ABCB10: variants seen among roughly 807,000 people sequenced by gnomAD.
ABCB10 encodes the protein ATP-binding cassette sub-family B member 10, mitochondrial.
A neutral mutation model predicts 65.4 loss-of-function variants in ABCB10; 54 were observed. The observed-to-expected ratio is 0.83, with a 90% confidence interval of 0.66 to 1.04. ABCB10 has a LOEUF of 1.04. Ranked by LOEUF, ABCB10 falls within the 50% of genes least tolerant of loss-of-function variation. The pLI, the probability that ABCB10 is intolerant of heterozygous loss-of-function variation, is 0.00. For synonymous variants in ABCB10, 418 were observed against 406.5 expected, an observed-to-expected ratio of 1.03 and a Z score of -0.34; for missense variants, 846 against 976.6, an observed-to-expected ratio of 0.87 and a Z score of 1.78.
intron 11 of ABCB10, 110 bp downstream of exon 11, chr1:229,521,482 A>C: frequency 2.2e-6 from 3 of 1,369,374 alleles, no homozygotes; most frequent in Non-Finnish European, 3.0e-6. Context: ...AGAAAAAAAA[A>C]AAAACAAAAA....
chr1:229,541,977 A>T (rs951778180), intron 4 of ABCB10, among the ~76,000 whole-genome samples: 15 of 151,226 alleles, frequency 9.9e-5, no homozygotes, highest in African/African-American at 3.7e-4. Flanking sequence ...AAAAAAAAAG[A>T]AAGAAAAGAA....
chr1:229,527,400 A>AT lies in ABCB10; in HGVS notation c.1646-93dup, dbSNP rs111816410. On this transcript the variant is annotated intron_variant, in intron 8 of 12. Transcript: ENST00000344517. ...GATCCGGTGGGAAAATTCCAGACTC[A>AT]TTTTTTAAAGATCAAAATGTACTGA... The AT allele has an allele frequency of 1.2e-3, 1,401 of 1,145,350 alleles. 10 individuals carry two copies. The African/African-American group carries it at 0.019, about 15-fold the overall frequency. The allele number at this position is 1,145,350 out of a possible 1,614,324, so 70.9% of individuals were successfully genotyped here.
At chr1:229,546,874 A>G (rs1343128555) in intron 3 of ABCB10, among the ~76,000 whole-genome samples, 2 of 152,120 alleles carry the variant, frequency 1.3e-5, no homozygotes, top group African/African-American at 4.8e-5. Flanking sequence ...ACAGAGTGAG[A>G]CTGTCTCTAA....
At chr1:229,525,818 A>T in intron 10 of ABCB10, 118 bp downstream of exon 10, 1 of 1,248,690 alleles carries the variant, frequency 8.0e-7, no homozygotes, top group Non-Finnish European at 1.1e-6. Flanking sequence ...AGCCTGGGTG[A>T]CAGAGCAAGA....
At chr1:229,533,569 G>A (rs1458725080) in intron 6 of ABCB10, among the ~76,000 whole-genome samples, 1 of 152,096 alleles carries the variant, frequency 6.6e-6, no homozygotes, top group African/African-American at 2.4e-5. Context: ...AGATACAATG[G>A]ACTAAAATTT....
At chr1:229,549,468 G>C (rs766290234) in intron 1 of ABCB10, 34 bp from the exon 2 acceptor site, 1 of 1,593,616 alleles carries the variant, frequency 6.3e-7, no homozygotes, top group Non-Finnish European at 8.6e-7. Flanking sequence ...TGTTCAGGTT[G>C]CTTCAGCAAA....
At chr1:229,535,064 A>AAAAAAC (rs1489482152) in intron 6 of ABCB10, 1 of 148,278 alleles carries the variant, frequency 6.7e-6, no homozygotes, top group Admixed American at 6.7e-5. Flanking sequence ...AAAAAAAAAA[A>AAAAAAC]AAAACCTTGC....
intron 1 of ABCB10, among the ~76,000 whole-genome samples, chr1:229,550,871 A>AG (rs1663092999): frequency 2.6e-5 from 4 of 152,202 alleles, no homozygotes; most frequent in African/African-American, 9.6e-5. Context: ...CTCAAAAAAA[A>AG]AAAAGAAAAG....
chr1:229,539,589 A>C lies in ABCB10; in HGVS notation c.1206T>G (p.Thr402=). 6.2e-7 allele frequency: 1 copy of C among 1,612,734 alleles called. No individual in the cohort carries two copies. The highest frequency in any genetic ancestry group is 8.5e-7 in the Non-Finnish European group (1 of 1,179,666). ...AFARAGFFGA[T]GLSGNLIVLS... ...GCACGATCAGGTTTCCGGAGAGCCC[A>C]GTCTGTCGAATGAAGAAAACACAGA... The change falls in exon 6 of 13, where the codon ACT becomes ACG. Residue 402 remains threonine, a splice_region_variant and synonymous_variant. Transcript: ENST00000344517.
At chr1:229,546,044 C>A (rs934264351) in intron 3 of ABCB10, among the ~76,000 whole-genome samples, 2 of 151,982 alleles carry the variant, frequency 1.3e-5, no homozygotes, top group Admixed American at 1.3e-4. Context: ...TGGTGGCTGG[C>A]ACCTATAATC....
intron 10 of ABCB10, among the ~76,000 whole-genome samples, chr1:229,524,535 A>ATT (rs1662387801): frequency 6.6e-6 from 1 of 152,192 alleles, no homozygotes; most frequent in South Asian, 2.1e-4. Context: ...CTGAACATTT[A>ATT]TTTCTCTTAA....
At chr1:229,544,005 A>G (rs566301643) in intron 3 of ABCB10, among the ~76,000 whole-genome samples, 5 of 152,328 alleles carry the variant, frequency 3.3e-5, no homozygotes, top group East Asian at 1.9e-4. Flanking sequence ...CAGTCCATCA[A>G]GATTCTCCTA....
Position 229,516,657 on chromosome 1 carries a change from A to T in ABCB10, c.*1522T>A, listed in dbSNP as rs746596943. On this transcript the variant is annotated 3_prime_UTR_variant, in exon 13 of 13. Transcript: ENST00000344517. ...AAAATTGAACATCATGTATCAGAAA[A>T]TAAAACATAACAATGAAATGCAATT... is the stretch of plus-strand genomic sequence containing the variant. The T allele has an allele frequency of 1.3e-4, 20 of 152,234 alleles. No individual in the cohort carries two copies. Among genetic ancestry groups the T allele is most frequent in the Non-Finnish European group, 2.8e-4 (19 of 68,036 alleles). 9.4% of individuals were successfully genotyped at this position (152,234 alleles called of 1,614,324 possible).
chr1:229,531,484 C>T (rs1242063591), intron 7 of ABCB10, 152 bp downstream of exon 7: 3 of 735,760 alleles, frequency 4.1e-6, no homozygotes, highest in Admixed American at 2.7e-5. Flanking sequence ...TCATAGAAAA[C>T]CTGACCACCT....
intron 9 of ABCB10, 31 bp downstream of exon 9, chr1:229,527,198 G>A: frequency 6.5e-7 from 1 of 1,540,816 alleles, no homozygotes; most frequent in Non-Finnish European, 8.8e-7. Context: ...TTAAAAGAAA[G>A]TGAAATAGAA....
chr1:229,548,274 G>T (rs1443170897), intron 2 of ABCB10, among the ~76,000 whole-genome samples: 1 of 152,128 alleles, frequency 6.6e-6, no homozygotes, highest in Non-Finnish European at 1.5e-5. Flanking sequence ...AAAGTGCTAG[G>T]ATTACAGGCA....
intron 10 of ABCB10, among the ~76,000 whole-genome samples, chr1:229,523,762 CA>C (rs1267515296): frequency 6.6e-6 from 1 of 152,166 alleles, no homozygotes; most frequent in Admixed American, 6.5e-5. Flanking sequence ...GAGGGAAGGA[CA>C]TGCAGAATCT....
At chr1:229,542,478 T>G in intron 3 of ABCB10, 107 bp from the exon 4 acceptor site, 1 of 1,336,540 alleles carries the variant, frequency 7.5e-7, no homozygotes, top group South Asian at 1.5e-5. Context: ...TGTGTGTGTG[T>G]GTGTTTAAAT....
intron 3 of ABCB10, among the ~76,000 whole-genome samples, chr1:229,542,939 T>A (rs1044243458): frequency 2.6e-5 from 4 of 152,050 alleles, no homozygotes; most frequent in Non-Finnish European, 5.9e-5. Flanking sequence ...GAGACCAGCC[T>A]GACCAACGTG....
Sources: allele counts gnomAD v4.1 joint callset (sites outside exome capture counted in the v4.1 genomes callset), GRCh38; gene constraint gnomAD v4.1.1; transcripts MANE v1.5; gene names NCBI Gene and HGNC (gene_info 2026-07-23, HGNC 2026-07-21).